RNF150: variants seen among roughly 807,000 people sequenced by gnomAD.
The protein encoded by RNF150 is ring finger protein 150.
A neutral mutation model predicts 39.3 loss-of-function variants in RNF150; 24 were observed. The observed-to-expected ratio is 0.61, with a 90% confidence interval of 0.44 to 0.86. The LOEUF (loss-of-function observed/expected upper bound fraction) is 0.86, where lower values mean the gene tolerates loss of function less well. Ranked by LOEUF, RNF150 falls within the 40% of genes least tolerant of loss-of-function variation. The pLI is 0.00. For synonymous variants in RNF150, 255 were observed against 227.3 expected (o/e 1.12, Z -1.10); for missense variants, 502 against 587.8 (o/e 0.85, Z 1.51).
chr4:141,200,928 A>C (rs897227149), intron 1 of RNF150, among the ~76,000 whole-genome samples: 2 of 152,200 alleles, frequency 1.3e-5, no homozygotes, highest in Non-Finnish European at 2.9e-5. Context: ...CCAATAAATC[A>C]GATCTATTTT....
At chr4:140,973,574 T>A (rs970969857) in intron 1 of RNF150, among the ~76,000 whole-genome samples, 2 of 151,964 alleles carry the variant, frequency 1.3e-5, no homozygotes, top group Non-Finnish European at 2.9e-5. Flanking sequence ...AATTATAGAC[T>A]AATAACAAGT....
intron 1 of RNF150, among the ~76,000 whole-genome samples, chr4:141,013,717 T>G (rs1214656469): frequency 6.6e-6 from 1 of 152,196 alleles, no homozygotes; most frequent in African/African-American, 2.4e-5. Context: ...GATTGACAAA[T>G]TATAGTAATA....
intron 1 of RNF150, among the ~76,000 whole-genome samples, chr4:140,983,453 A>G (rs1733924120): frequency 6.6e-6 from 1 of 152,162 alleles, no homozygotes; most frequent in Non-Finnish European, 1.5e-5. Context: ...CCACAGAGGT[A>G]ACTGCATGTC....
At chr4:141,187,181 C>T in intron 1 of RNF150, among the ~76,000 whole-genome samples, 1 of 152,136 alleles carries the variant, frequency 6.6e-6, no homozygotes, top group Admixed American at 6.5e-5. Flanking sequence ...GAGTGTCTTA[C>T]TCCTGAGTTC....
At chr4:141,062,096 C>T (rs1027050334) in intron 1 of RNF150, among the ~76,000 whole-genome samples, 2 of 152,094 alleles carry the variant, frequency 1.3e-5, no homozygotes, top group Non-Finnish European at 2.9e-5. Context: ...AGGAGACACA[C>T]TTTCATACTA....
At chr4:141,008,289 C>G (rs1027296400) in intron 1 of RNF150, among the ~76,000 whole-genome samples, 1 of 152,062 alleles carries the variant, frequency 6.6e-6, no homozygotes, top group African/African-American at 2.4e-5. Flanking sequence ...GGTTGGCTTT[C>G]TTACTAATTT....
At chr4:141,014,456 C>T (rs1283007507) in intron 1 of RNF150, among the ~76,000 whole-genome samples, 1 of 152,224 alleles carries the variant, frequency 6.6e-6, no homozygotes. Context: ...TACATTCCCA[C>T]CAATAATGTA....
At chr4:141,185,368 C>T (rs964445240) in intron 1 of RNF150, among the ~76,000 whole-genome samples, 7 of 152,168 alleles carry the variant, frequency 4.6e-5, no homozygotes, top group Middle Eastern at 3.4e-3. Flanking sequence ...GTGATTTTTG[C>T]ACATTGATTT....
At chr4:141,195,956 G>A (rs1425849921) in intron 1 of RNF150, among the ~76,000 whole-genome samples, 1 of 152,140 alleles carries the variant, frequency 6.6e-6, no homozygotes, top group East Asian at 1.9e-4. Context: ...GGGGCATGTG[G>A]ACAAAGATTA....
At chr4:141,134,497 G>A (rs188631411), upstream of RNF150, among the ~76,000 whole-genome samples, 3 of 152,194 alleles carry the variant, frequency 2.0e-5, no homozygotes, top group East Asian at 5.8e-4. Flanking sequence ...TTTTCCCCAG[G>A]ACTTTAGCAT....
chr4:140,959,329 C>A lies in RNF150; in HGVS notation c.735+8294G>T, dbSNP rs184130796. On this transcript the variant is annotated intron_variant, in intron 2 of 6. Coordinates refer to ENST00000515673, the MANE Select transcript of RNF150 (RefSeq NM_020724.2). ...TGATTATGTTAAAGAGTATTGTGGG[C>A]TTGGTCAGAGATAAGATTCCACTGG... Among the ~76,000 whole-genome samples the A allele has an allele frequency of 1.5e-3, 222 of 152,234 alleles. 2 individuals carry two copies. The highest frequency in any genetic ancestry group is 5.1e-3 in the African/African-American group (211 of 41,550).
At position 141,132,841 on chromosome 4, in the gene RNF150, C is replaced by A; in HGVS notation, c.-33G>T. On this transcript the variant is annotated 5_prime_UTR_variant, in exon 1 of 7. Transcript: ENST00000515673. The surrounding 1 kb of genome is among the most constrained non-coding windows in gnomAD (Gnocchi z 4.9). The stretch of plus-strand genomic sequence containing the variant: ...CGCCGGGGCCCCCTCCCCGCCCCCG[C>A]GCCCTCCCTCCGTCCCGTCCCTCCT... The A allele has an allele frequency of 6.3e-7, 1 of 1,578,270 alleles. No individual in the cohort carries two copies. Among genetic ancestry groups the A allele is most frequent in the Non-Finnish European group, 8.7e-7 (1 of 1,154,032 alleles).
At chr4:140,969,884 C>T (rs189752457) in intron 1 of RNF150, among the ~76,000 whole-genome samples, 1 of 151,262 alleles carries the variant, frequency 6.6e-6, no homozygotes, top group African/African-American at 2.4e-5. Flanking sequence ...AGGCCTCAGC[C>T]TCCCAAGTAG....
upstream of RNF150, among the ~76,000 whole-genome samples, chr4:141,137,336 G>A (rs533041265): frequency 8.3e-4 from 127 of 152,232 alleles, no homozygotes; most frequent in South Asian, 1.4e-3. Context: ...GAGCAATTAG[G>A]AACTCAACAG....
At chr4:141,150,562 C>T (rs1048924990) in intron 1 of RNF150, among the ~76,000 whole-genome samples, 5 of 152,164 alleles carry the variant, frequency 3.3e-5, no homozygotes, top group Non-Finnish European at 7.4e-5. Flanking sequence ...CTCAATTTTC[C>T]GGTAGCATTC....
At chr4:141,137,459 T>C (rs181839078), upstream of RNF150, among the ~76,000 whole-genome samples, 2 of 152,318 alleles carry the variant, frequency 1.3e-5, no homozygotes, top group East Asian at 1.9e-4. Flanking sequence ...TATTCTCTGA[T>C]GCATTTGACA....
rs531160678 is a variant in RNF150, at chr4:140,997,419, G to A, written c.485-29546C>T. ...GGGTGGATCATGAGGTCAGGAGTTC[G>A]AGACCAGCCTGGCCAACATGGTGAA... On this transcript the variant is annotated intron_variant, in intron 1 of 6. Transcript: ENST00000515673. Among the ~76,000 whole-genome samples the A allele has an allele frequency of 2.1e-3, 315 of 152,184 alleles. 1 individual carries two copies. Among genetic ancestry groups the A allele is most frequent in the African/African-American group, 7.1e-3 (296 of 41,528 alleles).
At chr4:140,876,489 G>C (rs1251807706) in intron 6 of RNF150, among the ~76,000 whole-genome samples, 1 of 152,210 alleles carries the variant, frequency 6.6e-6, no homozygotes, top group Non-Finnish European at 1.5e-5. Context: ...TTTATGAGTG[G>C]CCTCTGATGT....
chr4:141,080,647 A>G (rs1336454613), intron 1 of RNF150, among the ~76,000 whole-genome samples: 1 of 152,194 alleles, frequency 6.6e-6, no homozygotes, highest in African/African-American at 2.4e-5. Context: ...CTGTCTCTAA[A>G]CAAGCCTATG....
Sources: gnomAD v4.1 joint callset for allele counts (sites outside exome capture counted in the v4.1 genomes callset) on GRCh38, gnomAD v4.1.1 for gene constraint, Gnocchi (gnomAD v3.1) non-coding constraint, MANE v1.5 for transcripts, NCBI Gene and HGNC (gene_info 2026-07-23, HGNC 2026-07-21) for gene names.